DGUOK: variants seen among roughly 807,000 people sequenced by gnomAD.
DGUOK encodes deoxyguanosine kinase.
A neutral mutation model predicts 36.6 loss-of-function variants in DGUOK; 30 were observed. That is an observed-to-expected ratio of 0.82 (90% confidence interval 0.61 to 1.11). The LOEUF is 1.11. DGUOK is among the 50% of genes most tolerant of loss of function. The probability of loss-of-function intolerance (pLI) is 0.00; values close to 1 mark genes in which losing one functional copy is unlikely to be tolerated. For synonymous variants in DGUOK, 145 were observed against 126.3 expected (o/e 1.15, Z -0.99); for missense variants, 361 against 336.4 (o/e 1.07, Z -0.57).
chr2:73,951,646 G>T (rs779924991), intron 4 of DGUOK, among the ~76,000 whole-genome samples: 1 of 152,150 alleles, frequency 6.6e-6, no homozygotes, highest in African/African-American at 2.4e-5. Flanking sequence ...CAGAACCAGA[G>T]GATGAGTGGG....
intron 2 of DGUOK, among the ~76,000 whole-genome samples, chr2:73,940,467 T>C (rs970320915): frequency 1.3e-5 from 2 of 152,160 alleles, no homozygotes; most frequent in Admixed American, 6.5e-5. Context: ...CTATTGAGGA[T>C]TTTTGCTGCT....
At chr2:73,936,415 A>G (rs1681469182) in intron 1 of DGUOK, among the ~76,000 whole-genome samples, 1 of 152,246 alleles carries the variant, frequency 6.6e-6, no homozygotes, top group African/African-American at 2.4e-5. Flanking sequence ...GAAGAAGCAC[A>G]CACAAGTTAG....
In DGUOK at chr2:73,938,897, A is replaced by G. The variant is rs1297282002; in HGVS notation, c.143-13A>G. 5.1e-6 allele frequency: 8 copies of G among 1,583,210 alleles called. No individual in the cohort carries two copies. The highest frequency in any genetic ancestry group is 1.7e-4 in the Middle Eastern group (1 of 6,028). ...TTTGGGAAGCATCCCAATACATGCT[A>G]TTTGCATTGCAGCTGTGGGAAAGTC... On this transcript the variant is annotated splice_polypyrimidine_tract_variant and intron_variant, in intron 1 of 6. Transcript: ENST00000264093.
intron 1 of DGUOK, among the ~76,000 whole-genome samples, chr2:73,928,126 TTTTTA>T (rs200104059): frequency 1.3e-5 from 2 of 151,974 alleles, no homozygotes; most frequent in African/African-American, 4.8e-5. Flanking sequence ...TTGAGGGAAG[TTTTTA>T]TTTTATTTTA....
chr2:73,947,105 G>A, intron 3 of DGUOK, 199 bp downstream of exon 3: 1 of 630,454 alleles, frequency 1.6e-6, no homozygotes, highest in Non-Finnish European at 2.8e-6. Context: ...AGGAAATTGG[G>A]TTTTTCATCA....
chr2:73,932,453 C>T, intron 1 of DGUOK: 2 of 354,456 alleles, frequency 5.6e-6, no homozygotes, highest in Non-Finnish European at 1.1e-5. Flanking sequence ...CACCTAACCC[C>T]CGCCTTGACC....
In DGUOK at chr2:73,926,952, C is replaced by G. The variant is rs1449407491; in HGVS notation, c.42C>G (p.Pro14=). The part of the protein sequence containing the change: ...GRLFLSRLRA[P]FSSMAKSPLE... The stretch of plus-strand genomic sequence containing the variant: ...TCTTTCTAAGTCGGCTTCGAGCACC[C>G]TTCAGTTCCATGGCCAAGAGCCCAC... The change falls in exon 1 of 7, where the codon CCC becomes CCG. Residue 14 remains proline (P), a synonymous_variant. Coordinates refer to ENST00000264093, the MANE Select transcript of DGUOK (RefSeq NM_080916.3). 23 of 1,613,458 alleles carry G rather than the reference C, an allele frequency of 1.4e-5. No individual in the cohort carries two copies. Among genetic ancestry groups the G allele is most frequent in the African/African-American group, 2.7e-5 (2 of 75,072 alleles).
chr2:73,957,561 C>T (rs1048183400), intron 5 of DGUOK, among the ~76,000 whole-genome samples: 2 of 152,142 alleles, frequency 1.3e-5, no homozygotes, highest in African/African-American at 4.8e-5. Flanking sequence ...GTAATACCAG[C>T]TACTCGGGAG....
chr2:73,940,410 T>A (rs921166364), intron 2 of DGUOK, among the ~76,000 whole-genome samples: 2 of 152,228 alleles, frequency 1.3e-5, no homozygotes, highest in African/African-American at 2.4e-5. Flanking sequence ...CATTTTTTTT[T>A]ATTCCAACCC....
intron 6 of DGUOK, 22 bp from the exon 7 acceptor site, chr2:73,958,688 T>G: frequency 1.2e-6 from 2 of 1,604,360 alleles, no homozygotes; most frequent in Middle Eastern, 3.3e-4. Flanking sequence ...AAATTAAACT[T>G]CTGATTTTCT....
Position 73,957,188 on chromosome 2 carries a change from C to G in DGUOK, c.655C>G (p.Leu219Val). The change falls in exon 5 of 7, where the codon CTA (leucine) becomes GTA (valine). Residue 219 changes from leucine to valine, a missense_variant. Coordinates refer to ENST00000264093, the MANE Select transcript of DGUOK (RefSeq NM_080916.3). ...GGAGAAAGGAATTGAGCTGGCCTAT[C>G]TAGAGCAGCTGCATGGCCAACACGA... The part of the protein sequence containing the change: ...EEEKGIELAY[L>V]EQLHGQHEAW... 6.2e-7 allele frequency: 1 copy of G among 1,614,188 alleles called. No homozygotes were observed. Among genetic ancestry groups the G allele is most frequent in the Non-Finnish European group, 8.5e-7 (1 of 1,180,026 alleles).
At chr2:73,943,885 G>A (rs1026277363) in intron 2 of DGUOK, among the ~76,000 whole-genome samples, 1 of 152,082 alleles carries the variant, frequency 6.6e-6, no homozygotes, top group African/African-American at 2.4e-5. Context: ...AACCTCAGGC[G>A]ATTCACCCAC....
chr2:73,927,526 A>G (rs1047323430), intron 1 of DGUOK, among the ~76,000 whole-genome samples: 4 of 152,212 alleles, frequency 2.6e-5, no homozygotes, highest in Non-Finnish European at 4.4e-5. Flanking sequence ...TGAAAGTTCA[A>G]ATTTAACTGT....
intron 4 of DGUOK, among the ~76,000 whole-genome samples, chr2:73,956,038 G>A (rs1683060868): frequency 6.6e-6 from 1 of 152,216 alleles, no homozygotes. Context: ...AGCCTGGCCT[G>A]TTCCCCAGGA....
chr2:73,944,683 A>C (rs752076150), intron 2 of DGUOK, among the ~76,000 whole-genome samples: 1 of 152,206 alleles, frequency 6.6e-6, no homozygotes, highest in Non-Finnish European at 1.5e-5. Context: ...TCTTTCAGAA[A>C]TTGTGTTGGT....
chr2:73,946,620 A>C (rs1682325345), intron 2 of DGUOK, 99 bp from the exon 3 acceptor site: 29 of 1,093,344 alleles, frequency 2.7e-5, no homozygotes, highest in Middle Eastern at 5.2e-4. Flanking sequence ...ATTGATTATT[A>C]AACCTGTTTG....
At chr2:73,945,558 A>G (rs1682238521) in intron 2 of DGUOK, among the ~76,000 whole-genome samples, 1 of 152,228 alleles carries the variant, frequency 6.6e-6, no homozygotes, top group Admixed American at 6.5e-5. Context: ...TGTTTTGAAG[A>G]TTAATTGAGG....
intron 4 of DGUOK, among the ~76,000 whole-genome samples, chr2:73,953,108 G>T (rs373262928): frequency 6.6e-6 from 1 of 151,970 alleles, no homozygotes; most frequent in Admixed American, 6.6e-5. Context: ...AACTCATTCC[G>T]GCGAGAATTA....
chr2:73,939,907 C>CTTT (rs35979524), intron 2 of DGUOK, among the ~76,000 whole-genome samples: 3 of 136,688 alleles, frequency 2.2e-5, no homozygotes, highest in Non-Finnish European at 4.7e-5. Flanking sequence ...AGTCTCTCTC[C>CTTT]TTTTTTTTTT....
Sources: allele counts gnomAD v4.1 joint callset (sites outside exome capture counted in the v4.1 genomes callset), GRCh38; gene constraint gnomAD v4.1.1; transcripts MANE v1.5; gene names NCBI Gene and HGNC (gene_info 2026-07-23, HGNC 2026-07-21).